Variants in SLIT3 observed in about 807,000 individuals in gnomAD.
The protein encoded by SLIT3 is slit homolog 3 protein.
A neutral mutation model predicts 184.0 loss-of-function variants in SLIT3; 68 were observed. The observed-to-expected ratio is 0.37, with a 90% CI of 0.30 to 0.45. The LOEUF (loss-of-function observed/expected upper bound fraction) is 0.45. Among genes scored for constraint, SLIT3 ranks in the 20% least tolerant of loss-of-function variants. The probability of loss-of-function intolerance (pLI) is 1.00; values close to 1 mark genes in which losing one functional copy is unlikely to be tolerated. For missense variants in SLIT3, 1,707 were observed against 2,026.0 expected (o/e 0.84, Z 3.02); for synonymous variants, 831 against 828.6 (o/e 1.00, Z -0.05).
In SLIT3 at chr5:168,940,985, C is replaced by T. The variant is rs918509022; in HGVS notation, c.414-57649G>A. Among the ~76,000 whole-genome samples the T allele has an allele frequency of 1.5e-4, 23 of 152,238 alleles. No homozygotes were observed. The South Asian group carries it at 1.9e-3, about 12-fold the overall frequency. On this transcript the variant is annotated intron_variant, in intron 4 of 35. Coordinates refer to ENST00000519560, the MANE Select transcript of SLIT3 (RefSeq NM_003062.4). ...AGAAGCAAGGGAAACACAAGGCTCT[C>T]GGATAAAAGCAAACCAGGCCACAGG...
chr5:168,986,335 C>T (rs545220858), intron 4 of SLIT3, among the ~76,000 whole-genome samples: 1 of 152,146 alleles, frequency 6.6e-6, no homozygotes, highest in South Asian at 2.1e-4. Context: ...AGCCATGCAC[C>T]GCACTTCCCA....
At chr5:169,002,190 G>T (rs576817368) in intron 4 of SLIT3, among the ~76,000 whole-genome samples, 1 of 151,332 alleles carries the variant, frequency 6.6e-6, no homozygotes, top group South Asian at 2.1e-4. Context: ...AGGCATGGTG[G>T]TGTGTGCTTG....
In SLIT3 at chr5:169,089,019, C is replaced by CAAAAAAAAAAAAAAAAAAAAAAA. The variant is rs570118972; in HGVS notation, c.413+104437_413+104459dup. ...TGGGAGACAGAGCAAGACTCCATCT[C>CAAAAAAAAAAAAAAAAAAAAAAA]AAAAAAAAAAAAAAAAAAAAAAAAA... On this transcript the variant is annotated intron_variant, in intron 4 of 35. Transcript: ENST00000519560. Among the ~76,000 whole-genome samples the CAAAAAAAAAAAAAAAAAAAAAAA allele has an allele frequency of 6.7e-4, 17 of 25,562 alleles. 4 individuals carry two copies. Among genetic ancestry groups the CAAAAAAAAAAAAAAAAAAAAAAA allele is most frequent in the Non-Finnish European group, 1.2e-3 (16 of 13,076 alleles). 16.8% of individuals were successfully genotyped at this position (25,562 alleles called of 152,430 possible).
chr5:168,902,278 T>C (rs1277050847), intron 4 of SLIT3, among the ~76,000 whole-genome samples: 1 of 152,194 alleles, frequency 6.6e-6, no homozygotes, highest in Non-Finnish European at 1.5e-5. Flanking sequence ...CCAGGCACAG[T>C]GTCAGGCAAA....
chr5:168,892,060 T>G (rs1345074249), intron 4 of SLIT3, among the ~76,000 whole-genome samples: 1 of 152,188 alleles, frequency 6.6e-6, no homozygotes, highest in Non-Finnish European at 1.5e-5. Flanking sequence ...TCAGGGGCGA[T>G]CTGCTAATTC....
intron 1 of SLIT3, among the ~76,000 whole-genome samples, chr5:169,266,319 A>G (rs541783514): frequency 2.2e-4 from 33 of 152,326 alleles, no homozygotes; most frequent in Non-Finnish European, 3.5e-4. Flanking sequence ...CTCTGTGTTC[A>G]CCAAACTGTT....
At chr5:169,148,469 A>G (rs1478750503) in intron 4 of SLIT3, among the ~76,000 whole-genome samples, 2 of 152,198 alleles carry the variant, frequency 1.3e-5, no homozygotes, top group Non-Finnish European at 1.5e-5. Context: ...TGGAATAAAC[A>G]TGTTTGGTGC....
intron 4 of SLIT3, among the ~76,000 whole-genome samples, chr5:169,169,943 TC>T (rs1762764153): frequency 6.6e-6 from 1 of 152,152 alleles, no homozygotes; most frequent in South Asian, 2.1e-4. Flanking sequence ...AGTCCAGCCC[TC>T]CCCTGGGGTG....
At chr5:169,050,480 T>C (rs541960554) in intron 4 of SLIT3, among the ~76,000 whole-genome samples, 125 of 152,350 alleles carry the variant, frequency 8.2e-4, no homozygotes, top group South Asian at 5.6e-3. Flanking sequence ...CGATTGGGTC[T>C]GTGCCCAGAT....
chr5:169,148,902 T>C (rs2113363669), intron 4 of SLIT3, among the ~76,000 whole-genome samples: 1 of 151,908 alleles, frequency 6.6e-6, no homozygotes, highest in Middle Eastern at 3.4e-3. Flanking sequence ...AAAATCACAA[T>C]ACCTGCCATT....
intron 4 of SLIT3, among the ~76,000 whole-genome samples, chr5:169,182,698 A>G (rs1763205275): frequency 2.0e-5 from 3 of 152,214 alleles, no homozygotes; most frequent in Admixed American, 2.0e-4. Flanking sequence ...TCTTTCAGAC[A>G]ACTGAAGAAT....
intron 20 of SLIT3, among the ~76,000 whole-genome samples, chr5:168,735,413 CAG>C (rs1581019022): frequency 2.0e-5 from 3 of 152,112 alleles, no homozygotes; most frequent in Admixed American, 6.5e-5. Context: ...GGGGGCAGCT[CAG>C]GGGTCAGGCA....
chr5:169,021,831 G>A (rs1007012242), intron 4 of SLIT3, among the ~76,000 whole-genome samples: 20 of 152,086 alleles, frequency 1.3e-4, no homozygotes, highest in African/African-American at 3.6e-4. Flanking sequence ...CTAGACCTGC[G>A]TTGCTCACCA....
intron 26 of SLIT3, chr5:168,706,604 A>G (rs1762378291): frequency 6.6e-6 from 1 of 152,034 alleles, no homozygotes; most frequent in African/African-American, 2.4e-5. Flanking sequence ...ACTCATCTGG[A>G]CCTTATGCAT....
chr5:169,100,535 T>G (rs574405435), intron 4 of SLIT3, among the ~76,000 whole-genome samples: 39 of 152,332 alleles, frequency 2.6e-4, no homozygotes, highest in African/African-American at 9.4e-4. Flanking sequence ...TGCTGTCACT[T>G]AGGCTCAGGA....
At chr5:168,900,898 C>G (rs879262412) in intron 4 of SLIT3, among the ~76,000 whole-genome samples, 1 of 152,140 alleles carries the variant, frequency 6.6e-6, no homozygotes, top group Non-Finnish European at 1.5e-5. Flanking sequence ...GAAGTGGAAG[C>G]TAAACAATGT....
At chr5:168,828,768 G>A (rs1757786684) in intron 6 of SLIT3, among the ~76,000 whole-genome samples, 1 of 152,170 alleles carries the variant, frequency 6.6e-6, no homozygotes, top group African/African-American at 2.4e-5. Flanking sequence ...CAGGAACCCT[G>A]GGGTGGGTCT....
At chr5:168,978,888 C>T (rs947988227) in intron 4 of SLIT3, among the ~76,000 whole-genome samples, 78 of 134,034 alleles carry the variant, frequency 5.8e-4, no homozygotes, top group Non-Finnish European at 2.9e-4. Context: ...CTGTCATCCA[C>T]CTTAATGGAA....
intron 1 of SLIT3, among the ~76,000 whole-genome samples, chr5:169,259,898 C>A (rs1319321844): frequency 6.6e-6 from 1 of 152,060 alleles, no homozygotes; most frequent in African/African-American, 2.4e-5. Context: ...TCTTAGAGAA[C>A]AAGGCAAGAA....
Sources: gnomAD v4.1 joint callset for allele counts (sites outside exome capture counted in the v4.1 genomes callset) on GRCh38, gnomAD v4.1.1 for gene constraint, MANE v1.5 for transcripts, NCBI Gene and HGNC (gene_info 2026-07-23, HGNC 2026-07-21) for gene names.